The following ANXA10 variants were observed in gnomAD, a reference collection of about 807,000 sequenced individuals.
ANXA10 encodes the protein annexin 14.
ANXA10 carries 49 observed loss-of-function variants against 53.5 expected under a neutral mutation model. That is an observed-to-expected ratio of 0.92 (90% CI 0.73 to 1.16). The LOEUF (loss-of-function observed/expected upper bound fraction) is 1.16, where lower values mean the gene tolerates loss of function less well. Among genes scored for constraint, ANXA10 ranks in the 50% most tolerant of loss-of-function variants. ANXA10 has a pLI of 0.00. For missense variants in ANXA10, 393 were observed against 394.4 expected, an observed-to-expected ratio of 1.00 and a Z score of 0.03; for synonymous variants, 131 against 128.9, an observed-to-expected ratio of 1.02 and a Z score of -0.11.
At chr4:168,115,228 A>C (rs1730873865) in intron 1 of ANXA10, among the ~76,000 whole-genome samples, 1 of 152,090 alleles carries the variant, frequency 6.6e-6, no homozygotes, top group Non-Finnish European at 1.5e-5. Context: ...GTGGGCATTT[A>C]GGCTGATTCC....
At chr4:168,124,407 G>T (rs1021931406) in intron 1 of ANXA10, among the ~76,000 whole-genome samples, 4 of 152,158 alleles carry the variant, frequency 2.6e-5, no homozygotes, top group African/African-American at 9.7e-5. Context: ...AGAGGCTCAG[G>T]AGAGAGAAAA....
intron 2 of ANXA10, among the ~76,000 whole-genome samples, chr4:168,136,208 C>A (rs760749101): frequency 6.6e-6 from 1 of 152,154 alleles, no homozygotes; most frequent in African/African-American, 2.4e-5. Flanking sequence ...TGCAAAGAGA[C>A]ACAAATCCAA....
intron 1 of ANXA10, among the ~76,000 whole-genome samples, chr4:168,110,488 T>C (rs192120532): frequency 1.5e-4 from 23 of 151,494 alleles, no homozygotes; most frequent in Admixed American, 1.5e-3. Context: ...TTTCATTGAC[T>C]AGAATAGAAA....
intron 6 of ANXA10, among the ~76,000 whole-genome samples, chr4:168,167,357 A>G (rs1731899481): frequency 6.6e-6 from 1 of 152,216 alleles, no homozygotes; most frequent in Non-Finnish European, 1.5e-5. Context: ...ACTTTATTGT[A>G]AAATAGGCTT....
At chr4:168,133,262 T>C (rs1201685735) in intron 2 of ANXA10, among the ~76,000 whole-genome samples, 1 of 152,216 alleles carries the variant, frequency 6.6e-6, no homozygotes, top group Non-Finnish European at 1.5e-5. Flanking sequence ...TTAGTTATAG[T>C]ACTGTTGACC....
intron 3 of ANXA10, among the ~76,000 whole-genome samples, chr4:168,155,815 TATATATGATATATG>T (rs1361825151): frequency 7.5e-4 from 9 of 12,028 alleles, no homozygotes; most frequent in African/African-American, 2.9e-3. Flanking sequence ...TATGATATAT[TATATATGATATATG>T]ATATATCATA....
intron 6 of ANXA10, among the ~76,000 whole-genome samples, chr4:168,175,586 C>G (rs995120923): frequency 6.6e-6 from 1 of 152,186 alleles, no homozygotes; most frequent in Non-Finnish European, 1.5e-5. Context: ...TGCACCTCAA[C>G]ATTTCCATGA....
chr4:168,139,483 C>T lies in ANXA10; in HGVS notation c.101-3C>T, dbSNP rs370607166. The T allele has an allele frequency of 1.2e-6, 2 of 1,610,650 alleles. No homozygotes were observed. Among genetic ancestry groups the T allele is most frequent in the Non-Finnish European group, 1.7e-6 (2 of 1,177,538 alleles). On this transcript the variant is annotated splice_region_variant and splice_polypyrimidine_tract_variant and intron_variant, in intron 2 of 11. Coordinates refer to ENST00000359299, the MANE Select transcript of ANXA10 (RefSeq NM_007193.5). ...CTAATCTTCAAATATTATTCTTTTC[C>T]AGACTGTGACAAAGACATGCTGATC...
chr4:168,169,171 TAAA>T (rs1162137022), intron 6 of ANXA10, among the ~76,000 whole-genome samples: 2 of 152,240 alleles, frequency 1.3e-5, no homozygotes, highest in Non-Finnish European at 2.9e-5. Context: ...ATTACTATTT[TAAA>T]ATAATCTCGA....
At chr4:168,140,935 T>A (rs965805119) in intron 3 of ANXA10, among the ~76,000 whole-genome samples, 1 of 152,246 alleles carries the variant, frequency 6.6e-6, no homozygotes. Flanking sequence ...ATGCCATTTT[T>A]AAGTAACTTT....
chr4:168,097,814 C>G (rs1730576480), intron 1 of ANXA10, among the ~76,000 whole-genome samples: 1 of 152,028 alleles, frequency 6.6e-6, no homozygotes, highest in Non-Finnish European at 1.5e-5. Context: ...TGCAATTACA[C>G]AAAGTAATGG....
At chr4:168,186,863 T>G (rs1732380045) in intron 11 of ANXA10, among the ~76,000 whole-genome samples, 1 of 152,142 alleles carries the variant, frequency 6.6e-6, no homozygotes, top group Admixed American at 6.5e-5. Context: ...TTTTTCACTA[T>G]TATACATAAT....
chr4:168,134,886 T>C (rs10024423), intron 2 of ANXA10, among the ~76,000 whole-genome samples: 100,214 of 152,128 alleles, frequency 0.66, 34,200 homozygotes, highest in African/African-American at 0.82. Flanking sequence ...TGTTCTCATT[T>C]GCTGGATATT....
At chr4:168,178,246 T>C (rs1304433467) in intron 8 of ANXA10, 1 of 424,432 alleles carries the variant, frequency 2.4e-6, no homozygotes, top group Non-Finnish European at 4.3e-6. Context: ...GGAGTACTTA[T>C]TCAAATATAT....
intron 3 of ANXA10, among the ~76,000 whole-genome samples, chr4:168,154,866 C>G (rs1327171053): frequency 6.6e-6 from 1 of 152,088 alleles, no homozygotes; most frequent in African/African-American, 2.4e-5. Flanking sequence ...TTCTAATATT[C>G]AGAATACCAT....
chr4:168,143,730 G>C (rs1173122366), intron 3 of ANXA10, among the ~76,000 whole-genome samples: 1 of 152,156 alleles, frequency 6.6e-6, no homozygotes, highest in Non-Finnish European at 1.5e-5. Flanking sequence ...GGACTATCCG[G>C]TCTAAAATAT....
chr4:168,139,902 G>T (rs946873484), intron 3 of ANXA10, among the ~76,000 whole-genome samples: 2 of 152,094 alleles, frequency 1.3e-5, no homozygotes, highest in Non-Finnish European at 2.9e-5. Flanking sequence ...AAAGTGTTGT[G>T]CTGGAAACAC....
chr4:168,097,210 T>C (rs925355053), intron 1 of ANXA10, among the ~76,000 whole-genome samples: 1 of 152,000 alleles, frequency 6.6e-6, no homozygotes, highest in South Asian at 2.1e-4. Context: ...TCTCCTTCAA[T>C]TCTCTCCGTA....
At chr4:168,160,036 G>GTA (rs1360832875) in intron 3 of ANXA10, among the ~76,000 whole-genome samples, 2 of 152,184 alleles carry the variant, frequency 1.3e-5, no homozygotes, top group Non-Finnish European at 2.9e-5. Flanking sequence ...AATAAATTGA[G>GTA]TATATATATA....
Sources: allele counts gnomAD v4.1 joint callset (sites outside exome capture counted in the v4.1 genomes callset), GRCh38; gene constraint gnomAD v4.1.1; transcripts MANE v1.5; gene names NCBI Gene and HGNC (gene_info 2026-07-23, HGNC 2026-07-21).